Variants in AGBL3 observed in about 807,000 individuals in gnomAD.
AGBL3 encodes cytosolic carboxypeptidase 3.
Under a neutral mutation model 94.5 loss-of-function variants are expected in AGBL3, and 68 were observed. The ratio of observed to expected loss-of-function variants is 0.72; its 90% confidence interval spans 0.59 to 0.88. The LOEUF is 0.88. AGBL3 is among the 40% of genes least tolerant of loss of function. The probability of loss-of-function intolerance (pLI) is 0.00; values close to 1 mark genes in which losing one functional copy is unlikely to be tolerated. For missense variants in AGBL3, 934 were observed against 1,103.8 expected, an observed-to-expected ratio of 0.85 and a Z score of 2.18; for synonymous variants, 354 against 370.7, an observed-to-expected ratio of 0.95 and a Z score of 0.52.
Position 135,068,666 on chromosome 7 carries a change from C to T in AGBL3, c.1909-7731C>T, listed in dbSNP as rs571174772. On this transcript the variant is annotated intron_variant, in intron 12 of 16. Coordinates refer to ENST00000436302, the MANE Select transcript of AGBL3 (RefSeq NM_178563.4). ...CATAAGTGAAGGAGAAATAAAATAC[C>T]TTACAGACAAGTAAATGTTGAGAGA... is the stretch of plus-strand genomic sequence containing the variant. 3.3e-4 allele frequency among the ~76,000 whole-genome samples: 50 copies of T among 152,216 alleles called. No homozygotes were observed. In the South Asian group the frequency reaches 5.2e-3, roughly 16 times the overall value.
intron 4 of AGBL3, among the ~76,000 whole-genome samples, chr7:135,016,005 T>A (rs975845498): frequency 1.4e-5 from 2 of 148,028 alleles, no homozygotes; most frequent in Non-Finnish European, 2.9e-5. Flanking sequence ...CACTCCAGCC[T>A]GGGCGACAGA....
intron 16 of AGBL3, among the ~76,000 whole-genome samples, chr7:135,118,878 G>C (rs1229509871): frequency 6.6e-6 from 1 of 152,016 alleles, no homozygotes; most frequent in Admixed American, 6.5e-5. Flanking sequence ...AATTTTAAAA[G>C]CTTAATGGCT....
chr7:135,096,771 GAAAGAA>G (rs1321667016), intron 15 of AGBL3, among the ~76,000 whole-genome samples: 3 of 148,466 alleles, frequency 2.0e-5, no homozygotes, highest in Admixed American at 6.7e-5. Flanking sequence ...AAGAAAGAAA[GAAAGAA>G]AGAAAGAAAG....
intron 15 of AGBL3, among the ~76,000 whole-genome samples, chr7:135,088,974 C>T (rs979045040): frequency 2.0e-5 from 3 of 151,886 alleles, no homozygotes; most frequent in African/African-American, 7.3e-5. Context: ...ATACCTTTCC[C>T]TTCTCTTCTC....
intron 11 of AGBL3, among the ~76,000 whole-genome samples, chr7:135,048,245 G>C (rs1446639237): frequency 6.6e-6 from 1 of 151,828 alleles, no homozygotes; most frequent in African/African-American, 2.4e-5. Context: ...TTTGATTACT[G>C]TAGCTTTGTA....
chr7:134,994,572 G>C (rs1810738638), intron 4 of AGBL3, among the ~76,000 whole-genome samples: 1 of 152,060 alleles, frequency 6.6e-6, no homozygotes, highest in South Asian at 2.1e-4. Flanking sequence ...GTTATTGCCA[G>C]GTGGAGATCT....
chr7:135,053,203 G>A (rs979985408), intron 11 of AGBL3, among the ~76,000 whole-genome samples: 3 of 152,262 alleles, frequency 2.0e-5, no homozygotes, highest in South Asian at 2.1e-4. Context: ...GAAGTGATGG[G>A]TGAAAAATGC....
rs1275145092 is a variant in AGBL3 at position 135,134,883 on chromosome 7, A to G, written c.2385A>G (p.Thr795=). Residue 795 remains threonine (T), a synonymous_variant, in exon 17 of 17, where the codon ACA becomes ACG. Transcript: ENST00000436302. The part of the protein sequence containing the change: ...ATCRNIKKYS[T]SWTAPRNHPF... The stretch of plus-strand genomic sequence containing the variant: ...GCAGAAATATAAAGAAATACAGCAC[A>G]TCTTGGACAGCACCCAGAAATCACC... The G allele has an allele frequency of 2.6e-6, 4 of 1,551,106 alleles. No homozygotes were observed. The Admixed American group carries it at 5.9e-5, about 23-fold the overall frequency.
intron 11 of AGBL3, among the ~76,000 whole-genome samples, chr7:135,046,876 T>C (rs544645835): frequency 6.6e-6 from 1 of 152,206 alleles, no homozygotes; most frequent in East Asian, 1.9e-4. Context: ...AAGAATATGT[T>C]TCGTGGCTTT....
chr7:135,059,055 C>A, intron 11 of AGBL3, 114 bp from the exon 12 acceptor site: 2 of 831,090 alleles, frequency 2.4e-6, no homozygotes, highest in Admixed American at 2.7e-5. Context: ...CTGCGCCCGG[C>A]CACTTCTTAT....
intron 16 of AGBL3, chr7:135,128,463 T>A (rs1481542851): frequency 1.3e-6 from 1 of 746,160 alleles, no homozygotes; most frequent in African/African-American, 1.7e-5. Flanking sequence ...ACCAAGAAGC[T>A]CAAGAGGATG....
chr7:135,078,241 A>G (rs1820634664), intron 13 of AGBL3, among the ~76,000 whole-genome samples: 1 of 152,098 alleles, frequency 6.6e-6, no homozygotes, highest in African/African-American at 2.4e-5. Context: ...CTGCCTTAGC[A>G]CTGTCATCCC....
At chr7:134,991,987 C>A (rs1401554319) in intron 3 of AGBL3, among the ~76,000 whole-genome samples, 2 of 152,200 alleles carry the variant, frequency 1.3e-5, no homozygotes, top group Non-Finnish European at 2.9e-5. Context: ...CTCTTGTTTA[C>A]TTTTCAAATT....
At chr7:135,030,372 T>A (rs1815598199) in intron 5 of AGBL3, among the ~76,000 whole-genome samples, 1 of 152,162 alleles carries the variant, frequency 6.6e-6, no homozygotes. Flanking sequence ...TCATGATGGA[T>A]TTATTGGGTA....
At chr7:135,091,159 T>C (rs1271122369) in intron 15 of AGBL3, among the ~76,000 whole-genome samples, 1 of 152,128 alleles carries the variant, frequency 6.6e-6, no homozygotes, top group African/African-American at 2.4e-5. Context: ...GGTTGGAGGA[T>C]GGGGTGGTGG....
chr7:135,018,599 G>A (rs1313972090), intron 5 of AGBL3, among the ~76,000 whole-genome samples: 1 of 151,898 alleles, frequency 6.6e-6, no homozygotes, highest in Non-Finnish European at 1.5e-5. Flanking sequence ...AAGGTTTGAG[G>A]ATGAAAAAAA....
chr7:135,086,704 T>A (rs1201187116), intron 15 of AGBL3, among the ~76,000 whole-genome samples: 2 of 151,994 alleles, frequency 1.3e-5, no homozygotes, highest in Non-Finnish European at 2.9e-5. Flanking sequence ...TGGTGAATAA[T>A]TTTTTTCAAT....
Position 135,101,355 on chromosome 7 carries a change from A to G in AGBL3, c.2111-14025A>G, listed in dbSNP as rs528534199. The G allele has an allele frequency of 5.6e-5, 23 of 407,834 alleles. No individual in the cohort carries two copies. In the East Asian group the frequency reaches 1.4e-3, roughly 24 times the overall value. The allele number at this position is 407,834 out of a possible 1,614,324, so 25.3% of individuals were successfully genotyped here. On this transcript the variant is annotated intron_variant, in intron 15 of 16. Coordinates refer to ENST00000436302, the MANE Select transcript of AGBL3 (RefSeq NM_178563.4). ...CACTATATCATCATTAACATATCCT[A>G]TGAAACTTGGATTATGGGAACTACT...
intron 8 of AGBL3, among the ~76,000 whole-genome samples, chr7:135,040,238 A>T (rs1348453264): frequency 1.3e-5 from 2 of 152,224 alleles, no homozygotes; most frequent in Non-Finnish European, 2.9e-5. Flanking sequence ...AGTTGGATTC[A>T]CTGAGGCATT....
Sources: gnomAD v4.1 joint callset for allele counts (sites outside exome capture counted in the v4.1 genomes callset) on GRCh38, gnomAD v4.1.1 for gene constraint, MANE v1.5 for transcripts, NCBI Gene and HGNC (gene_info 2026-07-23, HGNC 2026-07-21) for gene names.